Variants in CBFA2T3 observed in about 807,000 individuals in gnomAD.
CBFA2T3 encodes the protein transcriptional corepressor CBFA2T3.
A neutral mutation model predicts 58.6 loss-of-function variants in CBFA2T3; 31 were observed. That is an observed-to-expected ratio of 0.53 (90% CI 0.40 to 0.71). CBFA2T3 has a LOEUF of 0.71. Among genes scored for constraint, CBFA2T3 ranks in the 30% least tolerant of loss-of-function variants. CBFA2T3 has a pLI of 0.00. For missense variants in CBFA2T3, 1,076 were observed against 963.1 expected, an observed-to-expected ratio of 1.12 and a Z score of -1.55; for synonymous variants, 531 against 421.9, an observed-to-expected ratio of 1.26 and a Z score of -3.17.
At chr16:88,940,210 A>G (rs1971666787) in intron 1 of CBFA2T3, 1 of 154,602 alleles carries the variant, frequency 6.5e-6, no homozygotes. Flanking sequence ...GGGTGGGCAC[A>G]GCCCGGCCGC....
intron 7 of CBFA2T3, among the ~76,000 whole-genome samples, chr16:88,884,447 G>A (rs925039407): frequency 1.3e-5 from 2 of 152,202 alleles, no homozygotes; most frequent in African/African-American, 4.8e-5. Context: ...GGTGCATTAT[G>A]TGTGCTCTCA....
chr16:88,962,677 G>T (rs1267900656), intron 1 of CBFA2T3, among the ~76,000 whole-genome samples: 1 of 152,252 alleles, frequency 6.6e-6, no homozygotes, highest in Non-Finnish European at 1.5e-5. Context: ...GCCGGAGCCA[G>T]TGCCTTCCCA....
At chr16:88,941,331 C>T (rs1378465894) in intron 1 of CBFA2T3, 1 of 217,098 alleles carries the variant, frequency 4.6e-6, no homozygotes, top group Non-Finnish European at 7.7e-6. Flanking sequence ...CAACGCCGCG[C>T]GCTCGCCCGA....
chr16:88,951,756 G>C (rs1415382832), intron 1 of CBFA2T3, among the ~76,000 whole-genome samples: 1 of 152,224 alleles, frequency 6.6e-6, no homozygotes, highest in Non-Finnish European at 1.5e-5. Flanking sequence ...TTTTGAACTG[G>C]AACAAGAGAG....
intron 1 of CBFA2T3, among the ~76,000 whole-genome samples, chr16:88,925,752 G>A (rs1971065918): frequency 6.6e-6 from 1 of 152,336 alleles, no homozygotes; most frequent in South Asian, 2.1e-4. Flanking sequence ...CGTGTGTGGA[G>A]ATGGCAATGT....
intron 1 of CBFA2T3, among the ~76,000 whole-genome samples, chr16:88,947,653 C>G (rs77700735): frequency 2.0e-5 from 3 of 152,224 alleles, no homozygotes; most frequent in Non-Finnish European, 4.4e-5. Context: ...GTGGCTCACA[C>G]CTGTAATCCC....
intron 10 of CBFA2T3, 99 bp from the exon 11 acceptor site, chr16:88,879,559 T>G: frequency 9.1e-7 from 1 of 1,102,374 alleles, no homozygotes; most frequent in Non-Finnish European, 1.3e-6. Context: ...AGGGGCTGTG[T>G]GCAGCTGAAC....
Position 88,876,581 on chromosome 16 carries a change from T to C in CBFA2T3, c.*395A>G, listed in dbSNP as rs1057198200. 7.7e-6 allele frequency: 2 copies of C among 259,994 alleles called. No individual in the cohort carries two copies. The highest frequency in any genetic ancestry group is 2.3e-5 in the African/African-American group (1 of 44,330). 16.1% of individuals were successfully genotyped at this position (259,994 alleles called of 1,614,324 possible). A position where few individuals can be genotyped will look rare whatever the true frequency, so the allele number is the denominator to read the frequency against. ...TTTTCATTGAAGAGAAAGTGTGTGA[T>C]AGTCATAGAGAGAGAGAGGATAGAG... On this transcript the variant is annotated 3_prime_UTR_variant, in exon 12 of 12. Coordinates refer to ENST00000268679, the MANE Select transcript of CBFA2T3 (RefSeq NM_005187.6).
intron 3 of CBFA2T3, among the ~76,000 whole-genome samples, chr16:88,895,401 C>T (rs956427219): frequency 1.3e-5 from 2 of 152,102 alleles, no homozygotes; most frequent in East Asian, 1.9e-4. Flanking sequence ...TGCTGTGGCC[C>T]GGGCTGGGCT....
chr16:88,923,849 C>G (rs931031648), intron 1 of CBFA2T3, among the ~76,000 whole-genome samples: 5 of 152,246 alleles, frequency 3.3e-5, no homozygotes, highest in Admixed American at 2.0e-4. Context: ...GGACCGTCCT[C>G]TCTCAAAGGT....
chr16:88,926,026 G>A (rs1971075756), intron 1 of CBFA2T3, among the ~76,000 whole-genome samples: 1 of 152,244 alleles, frequency 6.6e-6, no homozygotes, highest in African/African-American at 2.4e-5. Flanking sequence ...TGGAAGGTCA[G>A]CTCCGTGAGA....
chr16:88,918,518 C>G (rs376486643), intron 1 of CBFA2T3, among the ~76,000 whole-genome samples: 3 of 152,262 alleles, frequency 2.0e-5, no homozygotes, highest in Admixed American at 6.5e-5. Flanking sequence ...AGAGCCCACA[C>G]GGTTACTGGC....
intron 7 of CBFA2T3, chr16:88,884,627 GC>G (rs1423101307): frequency 5.9e-6 from 1 of 168,210 alleles, no homozygotes; most frequent in Non-Finnish European, 1.3e-5. Context: ...CTAGATACCA[GC>G]CAGGCCTCAC....
Position 88,876,691 on chromosome 16 carries a change from G to C in CBFA2T3, c.*285C>G, listed in dbSNP as rs1968842455. ...TGCGGCATCTGCTCTGCTGTCTAAA[G>C]CTCAGTCGAGGCTTCTGAGGATGCT... is the stretch of plus-strand genomic sequence containing the variant. On this transcript the variant is annotated 3_prime_UTR_variant, in exon 12 of 12. Coordinates refer to ENST00000268679, the MANE Select transcript of CBFA2T3 (RefSeq NM_005187.6). 2 of 404,068 alleles carry C rather than the reference G, an allele frequency of 4.9e-6. No homozygotes were observed. Among genetic ancestry groups the C allele is most frequent in the Non-Finnish European group, 8.7e-6 (2 of 228,908 alleles). The allele number at this position is 404,068 out of a possible 1,614,324, so 25.0% of individuals were successfully genotyped here. A position where few individuals can be genotyped will look rare whatever the true frequency, so the allele number is the denominator to read the frequency against.
At chr16:88,898,712 G>A (rs1336324394) in intron 2 of CBFA2T3, among the ~76,000 whole-genome samples, 2 of 152,198 alleles carry the variant, frequency 1.3e-5, no homozygotes, top group Non-Finnish European at 2.9e-5. Context: ...GGCACTGGAG[G>A]AGGAAGCACC....
chr16:88,942,843 G>C (rs1352540945), intron 1 of CBFA2T3, among the ~76,000 whole-genome samples: 1 of 152,190 alleles, frequency 6.6e-6, no homozygotes, highest in East Asian at 1.9e-4. Context: ...TGGAATGGAG[G>C]TTTTCAGACT....
chr16:88,936,156 G>A (rs1971491861), intron 1 of CBFA2T3, among the ~76,000 whole-genome samples: 3 of 152,162 alleles, frequency 2.0e-5, no homozygotes, highest in Admixed American at 2.0e-4. Flanking sequence ...ACACTGGGCG[G>A]GGACTTCCTC....
At chr16:88,893,198 C>T (rs1355348111) in intron 3 of CBFA2T3, among the ~76,000 whole-genome samples, 1 of 147,440 alleles carries the variant, frequency 6.8e-6, no homozygotes, top group Non-Finnish European at 1.5e-5. Flanking sequence ...ACAACAGGTG[C>T]CTCCCAGCCC....
At chr16:88,942,186 C>G (rs1191770201) in intron 1 of CBFA2T3, among the ~76,000 whole-genome samples, 3 of 152,242 alleles carry the variant, frequency 2.0e-5, no homozygotes, top group African/African-American at 7.2e-5. Flanking sequence ...GCCCCCTCCC[C>G]CGCCCGCTTT....
Sources: allele counts gnomAD v4.1 joint callset (sites outside exome capture counted in the v4.1 genomes callset), GRCh38; gene constraint gnomAD v4.1.1; transcripts MANE v1.5; gene names NCBI Gene and HGNC (gene_info 2026-07-23, HGNC 2026-07-21).